GRIP2: variants seen among roughly 807,000 people sequenced by gnomAD.
GRIP2 encodes glutamate receptor-interacting protein 2.
A neutral mutation model predicts 108.3 loss-of-function variants in GRIP2; 58 were observed. The ratio of observed to expected loss-of-function variants is 0.54; its 90% CI spans 0.43 to 0.67. The LOEUF is 0.67. Ranked by LOEUF, GRIP2 falls within the 30% of genes least tolerant of loss-of-function variation. GRIP2 has a pLI of 0.00. For synonymous variants in GRIP2, 586 were observed against 598.2 expected (o/e 0.98, Z 0.30); for missense variants, 1,278 against 1,430.6 (o/e 0.89, Z 1.72).
chr3:14,504,514 G>T (rs1409642904), intron 20 of GRIP2, among the ~76,000 whole-genome samples: 1 of 151,952 alleles, frequency 6.6e-6, no homozygotes, highest in Non-Finnish European at 1.5e-5. Context: ...GTTCCACCGT[G>T]TCAGCCAGGA....
chr3:14,597,583 C>T, the GRIP2 span, among the ~76,000 whole-genome samples: 1 of 152,122 alleles, frequency 6.6e-6, no homozygotes, highest in Admixed American at 6.5e-5. Context: ...AATTATTTTC[C>T]AAGCCTACCC....
chr3:14,584,792 G>A, the GRIP2 span, among the ~76,000 whole-genome samples: 2 of 152,166 alleles, frequency 1.3e-5, no homozygotes, highest in African/African-American at 4.8e-5. Flanking sequence ...CTTTTACGAA[G>A]CACCCATACA....
At chr3:14,596,202 G>C in the GRIP2 span, among the ~76,000 whole-genome samples, 1 of 152,230 alleles carries the variant, frequency 6.6e-6, no homozygotes, top group Non-Finnish European at 1.5e-5. Flanking sequence ...TCTGAGGTAG[G>C]AAGGAGCAAG....
At position 14,511,935 on chromosome 3, in the gene GRIP2, G is replaced by T. The variant is rs140998849; in HGVS notation, c.1721-456C>A. On this transcript the variant is annotated intron_variant, in intron 14 of 23. Transcript: ENST00000621039. This position sits in a 1 kb window ranked among gnomAD's most constrained non-coding sequence, Gnocchi z 4.1. ...ACAAAACAGACAGCAATCTCTCCCTGCCCTCCTGGAGCTGGCACTCCAGTG... is the reference window on the plus strand; with the variant it reads ...ACAAAACAGACAGCAATCTCTCCCTTCCCTCCTGGAGCTGGCACTCCAGTG... 8.5e-5 allele frequency among the ~76,000 whole-genome samples: 13 copies of T among 152,310 alleles called. No homozygotes were observed. In the East Asian group the frequency reaches 2.5e-3, roughly 29 times the overall value.
At chr3:14,570,293 G>C in the GRIP2 span, among the ~76,000 whole-genome samples, 1 of 152,218 alleles carries the variant, frequency 6.6e-6, no homozygotes, top group Non-Finnish European at 1.5e-5. Flanking sequence ...CCCCAGATCA[G>C]CATCTTGCCG....
At chr3:14,555,759 G>T in intron 1 of GRIP2, 1 of 398,686 alleles carries the variant, frequency 2.5e-6, no homozygotes, top group Non-Finnish European at 4.4e-6. Flanking sequence ...ACAGAGACAC[G>T]GAGGGAGAGA....
the GRIP2 span, chr3:14,573,827 G>A: frequency 6.6e-7 from 1 of 1,509,168 alleles, no homozygotes; most frequent in South Asian, 1.1e-5. Flanking sequence ...CGCTGGAATG[G>A]ATGGGTCACT....
chr3:14,494,451 G>A (rs1023671262), intron 23 of GRIP2, among the ~76,000 whole-genome samples: 1 of 152,246 alleles, frequency 6.6e-6, no homozygotes, highest in Non-Finnish European at 1.5e-5. Context: ...TGAGGGGTTT[G>A]GTCCATCGGC....
chr3:14,589,192 G>A, the GRIP2 span, among the ~76,000 whole-genome samples: 19 of 151,862 alleles, frequency 1.3e-4, no homozygotes, highest in African/African-American at 4.3e-4. Context: ...CACTGGGGAC[G>A]TCTTTATGTT....
chr3:14,570,401 C>T, the GRIP2 span, among the ~76,000 whole-genome samples: 2 of 152,090 alleles, frequency 1.3e-5, no homozygotes, highest in South Asian at 2.1e-4. Flanking sequence ...GCCCTGGGCA[C>T]AGTGGAGGGT....
At chr3:14,503,117 T>A (rs1475927559) in intron 21 of GRIP2, among the ~76,000 whole-genome samples, 1 of 152,220 alleles carries the variant, frequency 6.6e-6, no homozygotes, top group Non-Finnish European at 1.5e-5. Context: ...TCGTCACTGA[T>A]GTCAACACTC....
At chr3:14,578,138 C>A in the GRIP2 span, among the ~76,000 whole-genome samples, 1 of 152,198 alleles carries the variant, frequency 6.6e-6, no homozygotes, top group Non-Finnish European at 1.5e-5. Flanking sequence ...TGAAGCTGAG[C>A]CTTTGGGAAG....
In GRIP2 at chr3:14,519,421, T is replaced by G. The variant is rs576036251; in HGVS notation, c.1030+689A>C. ...CGTCAGCCTCCCCCATGTCTGTGCA[T>G]TAGAAGTCCTCCCTCCTTTTTACAG... On this transcript the variant is annotated intron_variant, in intron 9 of 23. Coordinates refer to ENST00000621039, the MANE Select transcript of GRIP2 (RefSeq NM_001080423.4). Among the ~76,000 whole-genome samples the G allele has an allele frequency of 2.2e-3, 341 of 152,298 alleles. 4 individuals carry two copies. Among genetic ancestry groups the G allele is most frequent in the African/African-American group, 8.0e-3 (332 of 41,554 alleles).
chr3:14,590,608 C>T, the GRIP2 span, among the ~76,000 whole-genome samples: 2 of 152,294 alleles, frequency 1.3e-5, no homozygotes, highest in East Asian at 1.9e-4. Context: ...TTTCAGGGGT[C>T]GCCCTGCCTC....
At chr3:14,586,693 A>G in the GRIP2 span, among the ~76,000 whole-genome samples, 4 of 152,202 alleles carry the variant, frequency 2.6e-5, no homozygotes, top group African/African-American at 9.6e-5. Flanking sequence ...TGCGGGGGGA[A>G]AGCCTATATG....
chr3:14,494,110 C>T (rs1342625761), intron 23 of GRIP2, among the ~76,000 whole-genome samples: 6 of 152,264 alleles, frequency 3.9e-5, no homozygotes, highest in Non-Finnish European at 8.8e-5. Context: ...AGACCACACA[C>T]TCAGAGAGCC....
At chr3:14,542,982 T>C (rs531926399), upstream of GRIP2, among the ~76,000 whole-genome samples, 15 of 152,306 alleles carry the variant, frequency 9.8e-5, no homozygotes, top group South Asian at 2.1e-4. Flanking sequence ...GTAAAGCTTC[T>C]GGGTGTGCAG....
intron 21 of GRIP2, among the ~76,000 whole-genome samples, chr3:14,501,230 A>G (rs953247196): frequency 1.3e-5 from 2 of 152,200 alleles, no homozygotes; most frequent in Non-Finnish European, 2.9e-5. Context: ...GGAAGGTACA[A>G]GTTTTCATTT....
At chr3:14,514,041 T>G (rs1694176351) in intron 12 of GRIP2, among the ~76,000 whole-genome samples, 1 of 152,234 alleles carries the variant, frequency 6.6e-6, no homozygotes, top group Non-Finnish European at 1.5e-5. Flanking sequence ...GCCTTACAAG[T>G]TGTGTATACA....
Sources: gnomAD v4.1 joint callset for allele counts (sites outside exome capture counted in the v4.1 genomes callset) on GRCh38, gnomAD v4.1.1 for gene constraint, Gnocchi (gnomAD v3.1) non-coding constraint, MANE v1.5 for transcripts, NCBI Gene and HGNC (gene_info 2026-07-23, HGNC 2026-07-21) for gene names.